Variants in TRABD observed in about 807,000 individuals in gnomAD.
TRABD encodes TraB domain containing.
In TRABD, 23 loss-of-function variants were observed where a neutral mutation model predicts 39.6. The observed-to-expected ratio is 0.58, with a 90% CI of 0.42 to 0.82. TRABD has a LOEUF of 0.82. Among genes scored for constraint, TRABD ranks in the 40% least tolerant of loss-of-function variants. TRABD has a pLI of 0.00. For synonymous variants in TRABD, 243 were observed against 232.1 expected (o/e 1.05, Z -0.43); for missense variants, 487 against 544.9 (o/e 0.89, Z 1.06).
At chr22:50,193,742 G>A in intron 3 of TRABD, 88 bp downstream of exon 3, 1 of 1,326,860 alleles carries the variant, frequency 7.5e-7, no homozygotes, top group Non-Finnish European at 1.1e-6. Context: ...ACTGCCAGGG[G>A]CTTGGAGCTT....
At chr22:50,197,764 G>GGGCCCCCCCCCCC in intron 7 of TRABD, 59 bp from the exon 8 acceptor site, 1 of 1,284,792 alleles carries the variant, frequency 7.8e-7, no homozygotes, top group Non-Finnish European at 1.1e-6. Context: ...CACAGTGCCA[G>GGGCCCCCCCCCCC]CCCCACCCCC....
intron 3 of TRABD, 126 bp from the exon 4 acceptor site, chr22:50,194,214 A>C (rs995811558): frequency 1.7e-6 from 2 of 1,192,240 alleles, no homozygotes; most frequent in African/African-American, 3.1e-5. Flanking sequence ...GCTCGTCAGG[A>C]GTCTTGTGCT....
At chr22:50,197,786 C>A (rs747291903) in intron 7 of TRABD, 37 bp from the exon 8 acceptor site, 1 of 567,144 alleles carries the variant, frequency 1.8e-6, no homozygotes, top group South Asian at 1.4e-5. Context: ...CAGCCCGTTG[C>A]CCATCCCTGC....
intron 1 of TRABD, among the ~76,000 whole-genome samples, chr22:50,187,263 C>G (rs887375773): frequency 1.3e-5 from 2 of 152,236 alleles, no homozygotes; most frequent in Admixed American, 6.5e-5. Flanking sequence ...GCCAGGTGTG[C>G]TGGCAAGGAG....
intron 5 of TRABD, 130 bp downstream of exon 5, chr22:50,195,170 C>A: frequency 1.6e-6 from 2 of 1,248,564 alleles, no homozygotes; most frequent in Non-Finnish European, 2.1e-6. Context: ...CTGGGGATTG[C>A]CGGGTTAGGG....
At chr22:50,186,459 C>G (rs1159941892) in intron 1 of TRABD, among the ~76,000 whole-genome samples, 1 of 152,046 alleles carries the variant, frequency 6.6e-6, no homozygotes, top group East Asian at 1.9e-4. Context: ...AGCGGAGCCC[C>G]CCAGGGCTGG....
chr22:50,194,788 G>A lies in TRABD; in HGVS notation c.280-112G>A, dbSNP rs2064039112. On this transcript the variant is annotated intron_variant, in intron 4 of 9. Transcript: ENST00000380909. ...GCAGCAGCGGGGTTAGCTAGCCCTGGGGTGACGCCAAGGCTGGCTGCTCCT... is the reference window on the plus strand; with the variant it reads ...GCAGCAGCGGGGTTAGCTAGCCCTGAGGTGACGCCAAGGCTGGCTGCTCCT... The A allele has an allele frequency of 2.0e-6, 3 of 1,483,450 alleles. No homozygotes were observed. In the Admixed American group the frequency reaches 6.3e-5, roughly 31 times the overall value. 91.9% of individuals were successfully genotyped at this position (1,483,450 alleles called of 1,614,324 possible).
chr22:50,195,570 C>G (rs1372182429), intron 5 of TRABD, among the ~76,000 whole-genome samples: 1 of 151,966 alleles, frequency 6.6e-6, no homozygotes, highest in Non-Finnish European at 1.5e-5. Flanking sequence ...TCTAGTGATG[C>G]TCCCGCCTCA....
At chr22:50,190,583 C>G in intron 1 of TRABD, 1 of 152,382 alleles carries the variant, frequency 6.6e-6, no homozygotes, top group African/African-American at 2.4e-5. Context: ...ACAGGAGTTT[C>G]TTTAAGGAGT....
intron 5 of TRABD, 46 bp from the exon 6 acceptor site, chr22:50,197,195 C>T: frequency 1.3e-6 from 2 of 1,574,744 alleles, no homozygotes; most frequent in Admixed American, 1.7e-5. Flanking sequence ...CCCAGCGCAC[C>T]CCCGCACCCG....
chr22:50,187,897 G>A (rs1024605464), intron 1 of TRABD, among the ~76,000 whole-genome samples: 2 of 148,194 alleles, frequency 1.3e-5, no homozygotes, highest in African/African-American at 2.5e-5. Flanking sequence ...GGAGAATGGC[G>A]TGAACCCGGG....
In TRABD at chr22:50,197,598, C is replaced by T. The variant is rs746374881; in HGVS notation, c.671+10C>T. The T allele has an allele frequency of 3.1e-6, 5 of 1,611,314 alleles. No homozygotes were observed. In the South Asian group the frequency reaches 5.5e-5, roughly 18 times the overall value. On this transcript the variant is annotated intron_variant, in intron 7 of 9. Transcript: ENST00000380909. ...TGTCAGACCCCATCAGGTAGGGCTG[C>T]CCCCGGGACCCTGGCCGGCCTGCAG...
chr22:50,197,776 C>CCCCCCCCAGGCCCAA, intron 7 of TRABD, 47 bp from the exon 8 acceptor site: 2 of 1,439,450 alleles, frequency 1.4e-6, no homozygotes, highest in Non-Finnish European at 1.9e-6. Context: ...CCCACCCCCC[C>CCCCCCCCAGGCCCAA]AGCCCGTTGC....
chr22:50,193,032 C>T lies in TRABD; in HGVS notation c.-29C>T, dbSNP rs746267811. The T allele has an allele frequency of 8.4e-6, 13 of 1,543,922 alleles. No homozygotes were observed. Among genetic ancestry groups the T allele is most frequent in the Admixed American group, 2.0e-5 (1 of 51,008 alleles). Reference sequence around the variant, plus strand: ...CCTCTCATGCCTCTCCTCAGGCTCCCCACAGGTGCAGGAAGCCGCCGCCCA... The same window carrying T: ...CCTCTCATGCCTCTCCTCAGGCTCCTCACAGGTGCAGGAAGCCGCCGCCCA... On this transcript the variant is annotated 5_prime_UTR_variant, in exon 2 of 10. Transcript: ENST00000380909.
intron 1 of TRABD, among the ~76,000 whole-genome samples, chr22:50,186,411 G>A (rs1427375751): frequency 1.3e-5 from 2 of 152,086 alleles, no homozygotes; most frequent in Middle Eastern, 3.2e-3. Context: ...GGCCCCGCGC[G>A]TCCCCTGCCA....
At chr22:50,188,008 G>A (rs572604964) in intron 1 of TRABD, among the ~76,000 whole-genome samples, 10 of 151,770 alleles carry the variant, frequency 6.6e-5, no homozygotes, top group African/African-American at 1.2e-4. Flanking sequence ...TTGGCCTGGC[G>A]CAGTGGCTCA....
In TRABD at chr22:50,198,438, C is replaced by G; in HGVS notation, c.1050C>G (p.Gly350=). 6.3e-7 allele frequency: 1 copy of G among 1,593,994 alleles called. No homozygotes were observed. Among genetic ancestry groups the G allele is most frequent in the Non-Finnish European group, 8.5e-7 (1 of 1,176,168 alleles). The part of the protein sequence containing the change: ...GLLGYSLYWM[G]RRTASLVLSL... ...TGGGCTACAGCCTGTACTGGATGGG[C>G]CGCCGCACCGCGAGCCTGGTCCTGT... Residue 350 remains glycine (G), a synonymous_variant, in exon 10 of 10, where the codon GGC becomes GGG. Transcript: ENST00000380909. The surrounding 1 kb of genome is among the most constrained non-coding windows in gnomAD (Gnocchi z 7.9).
chr22:50,198,297 A>G lies in TRABD; in HGVS notation c.957-48A>G. On this transcript the variant is annotated intron_variant, in intron 9 of 9. Transcript: ENST00000380909. The surrounding 1 kb of genome is among the most constrained non-coding windows in gnomAD (Gnocchi z 7.9). ...GTGACCCAGGCATGGGGGCTGGGGTATGGGGAGCCCACCCCCAGCCAGGCC... is the reference window on the plus strand; with the variant it reads ...GTGACCCAGGCATGGGGGCTGGGGTGTGGGGAGCCCACCCCCAGCCAGGCC... 6.7e-7 allele frequency: 1 copy of G among 1,493,952 alleles called. No homozygotes were observed. The highest frequency in any genetic ancestry group is 1.2e-5 in the South Asian group (1 of 81,156). The allele number at this position is 1,493,952 out of a possible 1,614,324, so 92.5% of individuals were successfully genotyped here. A position where few individuals can be genotyped will look rare whatever the true frequency, so the allele number is the denominator to read the frequency against.
At position 50,198,901 on chromosome 22, in the gene TRABD, C is replaced by G; in HGVS notation, c.*382C>G. 1.7e-6 allele frequency: 1 copy of G among 574,320 alleles called. No homozygotes were observed. Among genetic ancestry groups the G allele is most frequent in the East Asian group, 2.9e-5 (1 of 33,936 alleles). The allele number at this position is 574,320 out of a possible 1,614,324, so 35.6% of individuals were successfully genotyped here. On this transcript the variant is annotated 3_prime_UTR_variant, in exon 10 of 10. Coordinates refer to ENST00000380909, the MANE Select transcript of TRABD (RefSeq NM_001320485.2). This position sits in a 1 kb window ranked among gnomAD's most constrained non-coding sequence, Gnocchi z 7.9. ...TACCTCACTGTGCCTTCCTGTGCTC[C>G]GGCCACAGGAGCGTCGGCCCAGGGG...
Sources: gnomAD v4.1 joint callset for allele counts (sites outside exome capture counted in the v4.1 genomes callset) on GRCh38, gnomAD v4.1.1 for gene constraint, Gnocchi (gnomAD v3.1) non-coding constraint, MANE v1.5 for transcripts, NCBI Gene and HGNC (gene_info 2026-07-23, HGNC 2026-07-21) for gene names.